Variants in MPRIP observed in about 807,000 individuals in gnomAD.
MPRIP encodes the protein myosin phosphatase Rho interacting protein, also known as myosin phosphatase Rho-interacting protein.
A neutral mutation model predicts 234.9 loss-of-function variants in MPRIP; 59 were observed. The ratio of observed to expected loss-of-function variants is 0.25; its 90% confidence interval spans 0.20 to 0.31. The LOEUF is 0.31. Among genes scored for constraint, MPRIP ranks in the 10% least tolerant of loss-of-function variants. The pLI is 1.00. For missense variants in MPRIP, 2,436 were observed against 3,071.0 expected (o/e 0.79, Z 4.89); for synonymous variants, 1,144 against 1,263.9 (o/e 0.91, Z 2.01).
rs144119401 is a variant in MPRIP, at chr17:17,064,746, G to C, written c.124-10964G>C. ...GTTTGCTCCTTTTTATTGCTGACTC[G>C]CATTCCATGGTAAGAGGGGACACCT... On this transcript the variant is annotated intron_variant, in intron 1 of 23. Coordinates refer to ENST00000651222, the MANE Select transcript of MPRIP (RefSeq NM_001364716.4). Among the ~76,000 whole-genome samples, 45 of 152,242 alleles carry C rather than the reference G, an allele frequency of 3.0e-4. No homozygotes were observed. In the East Asian group the frequency reaches 7.9e-3, roughly 27 times the overall value.
At chr17:17,092,900 C>T (rs2089752891) in intron 3 of MPRIP, among the ~76,000 whole-genome samples, 1 of 152,136 alleles carries the variant, frequency 6.6e-6, no homozygotes, top group Non-Finnish European at 1.5e-5. Context: ...GGTCAGTTGT[C>T]GATGGAAAGG....
chr17:17,120,328 G>T (rs1169995925), intron 3 of MPRIP, among the ~76,000 whole-genome samples: 2 of 152,132 alleles, frequency 1.3e-5, no homozygotes, highest in African/African-American at 4.8e-5. Flanking sequence ...GCTTGGGCCA[G>T]GGGTGTGGTG....
At chr17:17,134,027 A>T (rs1368171074) in intron 5 of MPRIP, among the ~76,000 whole-genome samples, 1 of 152,096 alleles carries the variant, frequency 6.6e-6, no homozygotes, top group African/African-American at 2.4e-5. Context: ...CCAGCCCCCC[A>T]GGTTCTTCTG....
chr17:17,079,029 A>C (rs1293583549), intron 3 of MPRIP, among the ~76,000 whole-genome samples: 1 of 152,102 alleles, frequency 6.6e-6, no homozygotes, highest in Non-Finnish European at 1.5e-5. Context: ...GTATGAGTGG[A>C]GATAACTGTC....
chr17:17,142,903 T>C, intron 8 of MPRIP, 138 bp downstream of exon 8: 1 of 947,256 alleles, frequency 1.1e-6, no homozygotes, highest in Non-Finnish European at 1.6e-6. Flanking sequence ...CTCTGCATAG[T>C]GACTTCTTGA....
At chr17:17,132,258 A>G (rs1446529334) in intron 5 of MPRIP, among the ~76,000 whole-genome samples, 1 of 152,202 alleles carries the variant, frequency 6.6e-6, no homozygotes, top group Non-Finnish European at 1.5e-5. Context: ...GGCTTAGGGC[A>G]TAGAAGGGTC....
intron 2 of MPRIP, chr17:17,077,802 G>T: frequency 5.7e-6 from 3 of 528,696 alleles, no homozygotes; most frequent in East Asian, 3.3e-5. Flanking sequence ...TCACTCATGT[G>T]ATTTGGGCCT....
intron 4 of MPRIP, among the ~76,000 whole-genome samples, chr17:17,129,670 G>A (rs2090559712): frequency 6.6e-6 from 1 of 150,888 alleles, no homozygotes; most frequent in Non-Finnish European, 1.5e-5. Context: ...AGCACCTGCG[G>A]TGCAGCCTTC....
At chr17:17,159,726 T>G (rs1371561357) in intron 14 of MPRIP, among the ~76,000 whole-genome samples, 1 of 152,072 alleles carries the variant, frequency 6.6e-6, no homozygotes, top group Non-Finnish European at 1.5e-5. Flanking sequence ...GCTGGGGAGG[T>G]GTAGCGTTAC....
intron 17 of MPRIP, 31 bp from the exon 18 acceptor site, chr17:17,172,667 C>T: frequency 6.3e-7 from 1 of 1,588,358 alleles, no homozygotes; most frequent in South Asian, 1.1e-5. Context: ...GGCGTGGTCC[C>T]TCGGTGCTGA....
intron 23 of MPRIP, 121 bp downstream of exon 23, chr17:17,180,209 G>T: frequency 1.2e-6 from 1 of 809,172 alleles, no homozygotes; most frequent in Non-Finnish European, 2.0e-6. Flanking sequence ...GCCCAGCACT[G>T]AGCCAGCCCG....
chr17:17,137,235 C>T (rs552958721), intron 6 of MPRIP, among the ~76,000 whole-genome samples: 52 of 152,220 alleles, frequency 3.4e-4, no homozygotes, highest in African/African-American at 1.0e-3. Context: ...CTGAAGGGGC[C>T]GGGCATGGTG....
At chr17:17,180,735 G>A (rs1037236623) in intron 23 of MPRIP, 4 of 1,467,906 alleles carry the variant, frequency 2.7e-6, no homozygotes, top group East Asian at 2.3e-5. Flanking sequence ...CTGTGTCATG[G>A]TTACTTTATT....
At position 17,192,427 on chromosome 17, in the gene MPRIP, T is replaced by TTTG. The variant is rs56270914; in HGVS notation, c.*7533_*7534insTTG. On this transcript the variant is annotated 3_prime_UTR_variant, in exon 24 of 24. Transcript: ENST00000651222. ...ACCAGCTGAGCTGCTGCTTTTTTTT[T>TTTG]GGGGGGGGGGGGGGGAGGGGCGTCT... 0.014 allele frequency: 66 copies of TTTG among 4,814 alleles called. 13 individuals carry two copies. The highest frequency in any genetic ancestry group is 0.028 in the Non-Finnish European group (53 of 1,922). The allele number at this position is 4,814 out of a possible 1,614,324, so 0.3% of individuals were successfully genotyped here.
Position 17,078,678 on chromosome 17 carries a change from C to T in MPRIP, c.267+602C>T, listed in dbSNP as rs2089392258. On this transcript the variant is annotated intron_variant, in intron 3 of 23. Coordinates refer to ENST00000651222, the MANE Select transcript of MPRIP (RefSeq NM_001364716.4). The surrounding 1 kb of genome is among the most constrained non-coding windows in gnomAD (Gnocchi z 4.3). The stretch of plus-strand genomic sequence containing the variant: ...TCCTGGGCTGGATGAGTGTTTGCTG[C>T]TGTTGCCCCAGAGGCCAAACCTGAA... 6.6e-6 allele frequency among the ~76,000 whole-genome samples: 1 copy of T among 152,220 alleles called. No homozygotes were observed. The highest frequency in any genetic ancestry group is 1.5e-5 in the Non-Finnish European group (1 of 68,018).
chr17:17,091,521 C>T (rs533879491), intron 3 of MPRIP, among the ~76,000 whole-genome samples: 4 of 152,274 alleles, frequency 2.6e-5, no homozygotes, highest in South Asian at 4.1e-4. Flanking sequence ...CAGATGCTCT[C>T]GTGCGTATTA....
intron 3 of MPRIP, among the ~76,000 whole-genome samples, chr17:17,121,772 A>G (rs563672637): frequency 1.3e-4 from 20 of 152,296 alleles, no homozygotes; most frequent in African/African-American, 4.8e-4. Context: ...TATTAAGCCT[A>G]ATGCCCATTA....
chr17:17,179,467 C>T (rs1288011974), intron 22 of MPRIP: 1 of 145,364 alleles, frequency 6.9e-6, no homozygotes, highest in Non-Finnish European at 1.5e-5. Context: ...AAAAAAAAAG[C>T]AAAACAAAAA....
intron 3 of MPRIP, among the ~76,000 whole-genome samples, chr17:17,103,910 A>G (rs759895634): frequency 1.8e-4 from 28 of 152,062 alleles, no homozygotes; most frequent in African/African-American, 5.6e-4. Context: ...TAGCAGTGAG[A>G]TATCTCCTAG....
Sources: allele counts gnomAD v4.1 joint callset (sites outside exome capture counted in the v4.1 genomes callset), GRCh38; gene constraint gnomAD v4.1.1; non-coding constraint Gnocchi (gnomAD v3.1); transcripts MANE v1.5; gene names NCBI Gene and HGNC (gene_info 2026-07-23, HGNC 2026-07-21).